Variants in ZCCHC7 observed in about 807,000 individuals in gnomAD.
The protein encoded by ZCCHC7 is zinc finger CCHC domain-containing protein 7.
In ZCCHC7, 35 loss-of-function variants were observed where a neutral mutation model predicts 52.0. The observed-to-expected ratio is 0.67, with a 90% CI of 0.51 to 0.89. The LOEUF is 0.89. Among genes scored for constraint, ZCCHC7 ranks in the 40% least tolerant of loss-of-function variants. ZCCHC7 has a pLI of 0.00. For missense variants in ZCCHC7, 574 were observed against 649.1 expected, an observed-to-expected ratio of 0.88 and a Z score of 1.26; for synonymous variants, 217 against 221.5, an observed-to-expected ratio of 0.98 and a Z score of 0.18.
chr9:37,189,402 C>G (rs1455780081), intron 2 of ZCCHC7, among the ~76,000 whole-genome samples: 1 of 152,076 alleles, frequency 6.6e-6, no homozygotes, highest in East Asian at 1.9e-4. Flanking sequence ...TTTTCCCCCG[C>G]TGAGACTGAG....
At chr9:37,335,316 A>G (rs1564261825) in intron 6 of ZCCHC7, among the ~76,000 whole-genome samples, 1 of 152,144 alleles carries the variant, frequency 6.6e-6, no homozygotes, top group Non-Finnish European at 1.5e-5. Context: ...TGAGGAAATT[A>G]CTAGGTGGCA....
chr9:37,296,746 G>C (rs1828800338), intron 2 of ZCCHC7, among the ~76,000 whole-genome samples: 1 of 152,156 alleles, frequency 6.6e-6, no homozygotes, highest in African/African-American at 2.4e-5. Context: ...TGTCATCCAG[G>C]CTGCTGGCAC....
At chr9:37,283,250 T>C (rs535029364) in intron 2 of ZCCHC7, among the ~76,000 whole-genome samples, 1 of 152,260 alleles carries the variant, frequency 6.6e-6, no homozygotes, top group South Asian at 2.1e-4. Flanking sequence ...AGGTAGTCAA[T>C]GTCTATCCAG....
intron 2 of ZCCHC7, among the ~76,000 whole-genome samples, chr9:37,278,034 G>GTGTGTGTTTTATTTTGTTTTGTTTTGTTT (rs74182939): frequency 7.0e-6 from 1 of 142,860 alleles, no homozygotes; most frequent in African/African-American, 2.6e-5. Flanking sequence ...GTGTGTGTGT[G>GTGTGTGTTTTATTTTGTTTTGTTTTGTTT]TGTTTTGTTT....
At chr9:37,245,454 A>G (rs890475820) in intron 2 of ZCCHC7, among the ~76,000 whole-genome samples, 2 of 152,190 alleles carry the variant, frequency 1.3e-5, no homozygotes, top group Admixed American at 1.3e-4. Context: ...AAGCCATATA[A>G]CAGTAAACTA....
chr9:37,329,729 C>T (rs1434272386), intron 6 of ZCCHC7, among the ~76,000 whole-genome samples: 1 of 151,764 alleles, frequency 6.6e-6, no homozygotes, highest in Non-Finnish European at 1.5e-5. Flanking sequence ...AAACAAGATG[C>T]ATGATGATTT....
At chr9:37,173,803 A>G (rs924385844) in intron 2 of ZCCHC7, among the ~76,000 whole-genome samples, 8 of 152,026 alleles carry the variant, frequency 5.3e-5, no homozygotes, top group Admixed American at 5.2e-4. Flanking sequence ...TACTTAATAA[A>G]CCTATTATTT....
intron 2 of ZCCHC7, among the ~76,000 whole-genome samples, chr9:37,150,422 G>A (rs986711322): frequency 6.6e-6 from 1 of 152,178 alleles, no homozygotes; most frequent in Non-Finnish European, 1.5e-5. Context: ...CATTTAAATA[G>A]TAATTCCAGT....
chr9:37,234,607 A>G (rs1825557198), intron 2 of ZCCHC7, among the ~76,000 whole-genome samples: 1 of 152,252 alleles, frequency 6.6e-6, no homozygotes, highest in Admixed American at 6.5e-5. Context: ...TTCTGATAAG[A>G]AACACAGAAG....
chr9:37,304,372 G>A, intron 4 of ZCCHC7, 59 bp downstream of exon 4: 1 of 1,584,244 alleles, frequency 6.3e-7, no homozygotes. Context: ...TCAAGGGTGA[G>A]GCTGGGCACG....
intron 6 of ZCCHC7, among the ~76,000 whole-genome samples, chr9:37,349,074 C>T (rs12551525): frequency 0.16 from 23,672 of 152,178 alleles, 2,481 homozygotes; most frequent in Non-Finnish European, 0.24. Flanking sequence ...TCATGTTCTG[C>T]TGGCCCATTA....
intron 2 of ZCCHC7, among the ~76,000 whole-genome samples, chr9:37,236,578 C>G (rs1373342457): frequency 6.6e-6 from 1 of 151,832 alleles, no homozygotes; most frequent in Non-Finnish European, 1.5e-5. Context: ...GTATTTTTAG[C>G]AGAGACAGGG....
intron 6 of ZCCHC7, among the ~76,000 whole-genome samples, chr9:37,348,396 TGACATGGAG>T (rs1821155510): frequency 5.3e-5 from 8 of 151,236 alleles, no homozygotes; most frequent in Admixed American, 2.0e-4. Context: ...CTTTCTTTTT[TGACATGGAG>T]TCTCGCTTTT....
At chr9:37,140,137 C>T (rs976268393) in intron 2 of ZCCHC7, among the ~76,000 whole-genome samples, 4 of 151,930 alleles carry the variant, frequency 2.6e-5, no homozygotes, top group African/African-American at 9.7e-5. Flanking sequence ...GTAAGTTAGT[C>T]CTTAATCCTG....
At chr9:37,316,712 T>C (rs1829839320) in intron 5 of ZCCHC7, among the ~76,000 whole-genome samples, 1 of 152,138 alleles carries the variant, frequency 6.6e-6, no homozygotes, top group Non-Finnish European at 1.5e-5. Context: ...AAACAGCTCT[T>C]CACAGGTCTC....
At chr9:37,186,672 T>G in intron 2 of ZCCHC7, 1 of 581,514 alleles carries the variant, frequency 1.7e-6, no homozygotes, top group Non-Finnish European at 3.2e-6. Context: ...ATTATACTCT[T>G]AGAATATTTA....
At chr9:37,338,163 G>C in intron 6 of ZCCHC7, among the ~76,000 whole-genome samples, 1 of 152,190 alleles carries the variant, frequency 6.6e-6, no homozygotes, top group East Asian at 1.9e-4. Flanking sequence ...TCTTTCTGTT[G>C]TTGGAGTTGT....
intron 5 of ZCCHC7, among the ~76,000 whole-genome samples, chr9:37,309,967 A>G (rs1006941452): frequency 2.6e-5 from 4 of 151,966 alleles, no homozygotes; most frequent in Non-Finnish European, 4.4e-5. Flanking sequence ...TACTTTATAT[A>G]TTCCCATAGT....
chr9:37,308,142 G>C (rs1829419421), intron 5 of ZCCHC7, among the ~76,000 whole-genome samples: 1 of 152,138 alleles, frequency 6.6e-6, no homozygotes, highest in Non-Finnish European at 1.5e-5. Context: ...TAATTAATTT[G>C]AATACTCTAT....
Sources: allele counts gnomAD v4.1 joint callset (sites outside exome capture counted in the v4.1 genomes callset), GRCh38; gene constraint gnomAD v4.1.1; transcripts MANE v1.5; gene names NCBI Gene and HGNC (gene_info 2026-07-23, HGNC 2026-07-21).